CSMD1: variants seen among roughly 807,000 people sequenced by gnomAD.
CSMD1 encodes CUB and Sushi multiple domains 1.
CSMD1 carries 213 observed loss-of-function variants against 417.5 expected under a neutral mutation model. The observed-to-expected ratio is 0.51, with a 90% CI of 0.46 to 0.57. CSMD1 has a LOEUF of 0.57. Ranked by LOEUF, CSMD1 falls within the 20% of genes least tolerant of loss-of-function variation. The pLI, the probability that CSMD1 is intolerant of heterozygous loss-of-function variation, is 0.00. For synonymous variants in CSMD1, 2,862 were observed against 1,736.8 expected (o/e 1.65, Z -16.11); for missense variants, 6,923 against 4,529.7 (o/e 1.53, Z -15.17).
At chr8:3,418,808 A>G (rs1813313977) in intron 12 of CSMD1, among the ~76,000 whole-genome samples, 1 of 152,210 alleles carries the variant, frequency 6.6e-6, no homozygotes, top group Non-Finnish European at 1.5e-5. Flanking sequence ...AATGAGAAGG[A>G]AGAATGAGTC....
At chr8:3,823,325 G>C (rs550579179) in intron 5 of CSMD1, among the ~76,000 whole-genome samples, 1 of 152,156 alleles carries the variant, frequency 6.6e-6, no homozygotes, top group Non-Finnish European at 1.5e-5. Flanking sequence ...GGGTGCATGT[G>C]TAACAGGGAC....
intron 3 of CSMD1, among the ~76,000 whole-genome samples, chr8:4,236,935 G>A (rs1214890274): frequency 6.6e-6 from 1 of 152,174 alleles, no homozygotes; most frequent in African/African-American, 2.4e-5. Flanking sequence ...TCAGAAACAA[G>A]TTCAAGTTCA....
intron 42 of CSMD1, among the ~76,000 whole-genome samples, chr8:3,115,492 G>A (rs562875357): frequency 6.6e-6 from 1 of 152,284 alleles, no homozygotes; most frequent in South Asian, 2.1e-4. Context: ...GTGAGCCACT[G>A]TGCCCGGCCT....
chr8:3,493,147 A>T (rs1423306210), intron 11 of CSMD1, among the ~76,000 whole-genome samples: 3 of 151,978 alleles, frequency 2.0e-5, no homozygotes, highest in Admixed American at 6.6e-5. Flanking sequence ...TACAAAAATT[A>T]GCCTGGCATG....
rs1386121696 is a variant in CSMD1, at chr8:4,011,502, G to C, written c.611-13392C>G. On this transcript the variant is annotated intron_variant, in intron 4 of 69. Transcript: ENST00000635120. ...TACATCCTCTCTTGAACCCACTTGA[G>C]TCAGAGTTTCACCCTCCTGGGTTTC... Among the ~76,000 whole-genome samples the C allele has an allele frequency of 3.3e-5, 5 of 151,972 alleles. No homozygotes were observed. The East Asian group carries it at 7.7e-4, about 23-fold the overall frequency.
intron 5 of CSMD1, among the ~76,000 whole-genome samples, chr8:3,987,871 T>A (rs150806607): frequency 6.6e-6 from 1 of 152,308 alleles, no homozygotes. Context: ...CAGGGTCCAA[T>A]CTGTTTGGCA....
At chr8:4,657,899 T>C (rs1301901135) in intron 1 of CSMD1, among the ~76,000 whole-genome samples, 1 of 151,870 alleles carries the variant, frequency 6.6e-6, no homozygotes, top group Non-Finnish European at 1.5e-5. Flanking sequence ...ATAGAAGTTA[T>C]AAAAAAATAC....
intron 51 of CSMD1, among the ~76,000 whole-genome samples, chr8:3,021,559 C>A (rs185601185): frequency 6.6e-6 from 1 of 152,216 alleles, no homozygotes; most frequent in Non-Finnish European, 1.5e-5. Flanking sequence ...GCTCACAGTC[C>A]GCAGTGCTTC....
intron 2 of CSMD1, among the ~76,000 whole-genome samples, chr8:4,508,862 G>C (rs1435165255): frequency 1.3e-5 from 2 of 152,030 alleles, no homozygotes; most frequent in Admixed American, 1.3e-4. Flanking sequence ...AAGCTTTCTG[G>C]AAGCTTTTAG....
chr8:4,049,445 G>A (rs950602144), intron 3 of CSMD1, among the ~76,000 whole-genome samples: 14 of 151,126 alleles, frequency 9.3e-5, no homozygotes, highest in Non-Finnish European at 1.8e-4. Flanking sequence ...TACTGCCTAC[G>A]AGATGTCACC....
intron 5 of CSMD1, among the ~76,000 whole-genome samples, chr8:3,900,675 T>C (rs1807687944): frequency 6.6e-6 from 1 of 152,002 alleles, no homozygotes; most frequent in African/African-American, 2.4e-5. Context: ...TGTAGCTAGG[T>C]GACAGTGTAG....
intron 3 of CSMD1, among the ~76,000 whole-genome samples, chr8:4,195,856 C>A (rs566896131): frequency 6.6e-6 from 1 of 152,246 alleles, no homozygotes; most frequent in South Asian, 2.1e-4. Flanking sequence ...ACGCCTTGAT[C>A]ATAGCATGCG....
chr8:3,153,529 G>A (rs1252483068), intron 39 of CSMD1, among the ~76,000 whole-genome samples: 1 of 152,144 alleles, frequency 6.6e-6, no homozygotes, highest in African/African-American at 2.4e-5. Flanking sequence ...GAATGAAAAA[G>A]GCCGAATCAA....
At chr8:3,858,935 C>G (rs762385357) in intron 5 of CSMD1, among the ~76,000 whole-genome samples, 29 of 152,178 alleles carry the variant, frequency 1.9e-4, no homozygotes, top group African/African-American at 2.7e-4. Flanking sequence ...TGGTTGAAGT[C>G]AGTTTCAGCA....
intron 5 of CSMD1, among the ~76,000 whole-genome samples, chr8:3,951,251 G>A (rs1811576183): frequency 2.6e-5 from 4 of 152,294 alleles, no homozygotes; most frequent in African/African-American, 9.6e-5. Flanking sequence ...GACGGTGACT[G>A]AGGCCAGAGT....
At chr8:3,915,739 A>G (rs758389630) in intron 5 of CSMD1, among the ~76,000 whole-genome samples, 9 of 150,576 alleles carry the variant, frequency 6.0e-5, no homozygotes, top group East Asian at 1.9e-4. Flanking sequence ...TAGCAGCTCA[A>G]ATTATGAACT....
chr8:4,314,825 G>A (rs112577644), intron 3 of CSMD1, among the ~76,000 whole-genome samples: 2 of 152,180 alleles, frequency 1.3e-5, no homozygotes, highest in African/African-American at 2.4e-5. Context: ...AAGGGCAAAG[G>A]ATTTTGTAAG....
chr8:4,650,459 A>C (rs983470018), intron 1 of CSMD1, among the ~76,000 whole-genome samples: 1 of 151,992 alleles, frequency 6.6e-6, no homozygotes, highest in Non-Finnish European at 1.5e-5. Flanking sequence ...ATGGCCTTTC[A>C]ACTTTTAACT....
intron 1 of CSMD1, among the ~76,000 whole-genome samples, chr8:4,803,582 A>G (rs760586734): frequency 4.6e-5 from 7 of 152,192 alleles, no homozygotes; most frequent in Non-Finnish European, 1.0e-4. Flanking sequence ...GAAAGCCAGG[A>G]TTCTACTATT....
Sources: allele counts gnomAD v4.1 joint callset (sites outside exome capture counted in the v4.1 genomes callset), GRCh38; gene constraint gnomAD v4.1.1; transcripts MANE v1.5; gene names NCBI Gene and HGNC (gene_info 2026-07-23, HGNC 2026-07-21).